Variants in CADM1 observed in about 807,000 individuals in gnomAD.
The protein encoded by CADM1 is TSLC-1.
In CADM1, 15 loss-of-function variants were observed where a neutral mutation model predicts 53.1. The observed-to-expected ratio is 0.28, with a 90% CI of 0.19 to 0.44. CADM1 has a LOEUF of 0.44. Among genes scored for constraint, CADM1 ranks in the 20% least tolerant of loss-of-function variants. The pLI is 1.00. For missense variants in CADM1, 434 were observed against 611.3 expected (o/e 0.71, Z 3.06); for synonymous variants, 281 against 243.0 (o/e 1.16, Z -1.45).
chr11:115,194,540 AG>A (rs1168094527), intron 9 of CADM1, among the ~76,000 whole-genome samples: 1 of 152,240 alleles, frequency 6.6e-6, no homozygotes, highest in Non-Finnish European at 1.5e-5. Context: ...TACTGAATTA[AG>A]AACAATTTAA....
chr11:115,270,176 A>G (rs897819890), intron 1 of CADM1, among the ~76,000 whole-genome samples: 3 of 152,208 alleles, frequency 2.0e-5, no homozygotes, highest in African/African-American at 7.2e-5. Flanking sequence ...CAGACACACA[A>G]TAACAAAAGC....
At chr11:115,330,050 G>A (rs1362327434) in intron 1 of CADM1, among the ~76,000 whole-genome samples, 2 of 151,324 alleles carry the variant, frequency 1.3e-5, no homozygotes, top group Non-Finnish European at 2.9e-5. Context: ...GGCCAAAAGA[G>A]AACATTTGGG....
intron 1 of CADM1, among the ~76,000 whole-genome samples, chr11:115,425,512 T>C (rs1357091073): frequency 1.3e-5 from 2 of 152,190 alleles, no homozygotes; most frequent in East Asian, 1.9e-4. Flanking sequence ...TAACGAGACA[T>C]CTCTAGGCAT....
intron 1 of CADM1, among the ~76,000 whole-genome samples, chr11:115,295,550 A>ATATATGTATATTAT (rs371584699): frequency 3.8e-5 from 2 of 53,004 alleles, no homozygotes; most frequent in African/African-American, 2.7e-4. Context: ...ATATATATAT[A>ATATATGTATATTAT]ATATATATGT....
intron 1 of CADM1, among the ~76,000 whole-genome samples, chr11:115,293,412 G>A (rs1047037573): frequency 1.3e-4 from 20 of 152,106 alleles, no homozygotes; most frequent in Admixed American, 9.2e-4. Flanking sequence ...CAGCCTGGGC[G>A]ACAGAGCGAG....
chr11:115,207,422 C>CT (rs1940749533), intron 8 of CADM1: 1 of 152,064 alleles, frequency 6.6e-6, no homozygotes, highest in South Asian at 2.1e-4. Context: ...TAAATGGAGT[C>CT]TCTGCAGTCG....
intron 1 of CADM1, among the ~76,000 whole-genome samples, chr11:115,279,447 A>G (rs966674811): frequency 6.6e-6 from 1 of 152,198 alleles, no homozygotes; most frequent in African/African-American, 2.4e-5. Flanking sequence ...AATATCCAAG[A>G]TCTACTTTAT....
chr11:115,494,984 A>T (rs1949578218), intron 1 of CADM1, among the ~76,000 whole-genome samples: 1 of 152,218 alleles, frequency 6.6e-6, no homozygotes, highest in Admixed American at 6.5e-5. Context: ...TTATGTGATT[A>T]CTAACAAAAC....
At chr11:115,477,935 G>A (rs1949171768) in intron 1 of CADM1, among the ~76,000 whole-genome samples, 1 of 152,316 alleles carries the variant, frequency 6.6e-6, no homozygotes, top group South Asian at 2.1e-4. Flanking sequence ...TGGGAAAAGG[G>A]TGGAAACATG....
At chr11:115,449,003 G>A (rs913832948) in intron 1 of CADM1, among the ~76,000 whole-genome samples, 1 of 151,960 alleles carries the variant, frequency 6.6e-6, no homozygotes, top group Admixed American at 6.6e-5. Context: ...TGAAAGTCTC[G>A]CCTAATTACC....
At chr11:115,502,680 A>G (rs1385592954) in intron 1 of CADM1, among the ~76,000 whole-genome samples, 1 of 151,978 alleles carries the variant, frequency 6.6e-6, no homozygotes, top group African/African-American at 2.4e-5. Context: ...ACGCCCCCCA[A>G]TAGGTTTCCC....
At chr11:115,214,199 T>C (rs2134756481) in intron 7 of CADM1, among the ~76,000 whole-genome samples, 1 of 152,140 alleles carries the variant, frequency 6.6e-6, no homozygotes, top group East Asian at 1.9e-4. Context: ...ATGCTGAAAA[T>C]AGAATAGTTC....
At chr11:115,369,272 AT>A (rs1315734295) in intron 1 of CADM1, among the ~76,000 whole-genome samples, 2 of 152,050 alleles carry the variant, frequency 1.3e-5, no homozygotes, top group Non-Finnish European at 2.9e-5. Context: ...ACCTTCATAT[AT>A]TTCTTATGGC....
In CADM1 at chr11:115,447,973, A is replaced by G. The variant is rs563077113; in HGVS notation, c.124+56298T>C. ...GATCTGCTGTTTCTACATTCTTTAC[A>G]ATTCTCTTTACTTCTTACTAGCAAG... On this transcript the variant is annotated intron_variant, in intron 1 of 11. Transcript: ENST00000331581. 5.9e-5 allele frequency among the ~76,000 whole-genome samples: 9 copies of G among 152,162 alleles called. No homozygotes were observed. The East Asian group carries it at 1.4e-3, about 23-fold the overall frequency.
chr11:115,283,794 T>C (rs755990546), intron 1 of CADM1, among the ~76,000 whole-genome samples: 4 of 152,162 alleles, frequency 2.6e-5, no homozygotes, highest in Non-Finnish European at 5.9e-5. Flanking sequence ...CACAGGGCCC[T>C]GTGCCACCTG....
intron 1 of CADM1, among the ~76,000 whole-genome samples, chr11:115,376,195 T>C (rs967786664): frequency 6.6e-6 from 1 of 151,948 alleles, no homozygotes; most frequent in East Asian, 1.9e-4. Flanking sequence ...AGTTTTCAAA[T>C]TTGTAAATGG....
At chr11:115,204,985 A>G (rs779971720) in intron 8 of CADM1, among the ~76,000 whole-genome samples, 15 of 152,228 alleles carry the variant, frequency 9.9e-5, no homozygotes, top group Non-Finnish European at 1.9e-4. Flanking sequence ...TAAAAGGTGG[A>G]AAACTCATTT....
intron 9 of CADM1, among the ~76,000 whole-genome samples, chr11:115,194,836 G>C (rs562294653): frequency 1.8e-4 from 28 of 152,190 alleles, no homozygotes; most frequent in African/African-American, 6.3e-4. Flanking sequence ...GGACACACAG[G>C]GCAGAAGGAA....
chr11:115,268,572 ACC>A (rs1360370726), intron 1 of CADM1, among the ~76,000 whole-genome samples: 2 of 152,156 alleles, frequency 1.3e-5, no homozygotes, highest in Non-Finnish European at 2.9e-5. Flanking sequence ...AAAGGACCCT[ACC>A]CCAGCTCAGT....
Sources: gnomAD v4.1 joint callset for allele counts (sites outside exome capture counted in the v4.1 genomes callset) on GRCh38, gnomAD v4.1.1 for gene constraint, MANE v1.5 for transcripts, NCBI Gene and HGNC (gene_info 2026-07-23, HGNC 2026-07-21) for gene names.